ACER2: variants seen among roughly 807,000 people sequenced by gnomAD.
ACER2 encodes alkaline ceramidase 2.
A neutral mutation model predicts 34.7 loss-of-function variants in ACER2; 26 were observed. The ratio of observed to expected loss-of-function variants is 0.75; its 90% CI spans 0.55 to 1.04. The LOEUF (loss-of-function observed/expected upper bound fraction) is 1.04. ACER2 is among the 50% of genes least tolerant of loss of function. ACER2 has a pLI of 0.00. For synonymous variants in ACER2, 138 were observed against 132.1 expected (o/e 1.04, Z -0.31); for missense variants, 352 against 340.8 (o/e 1.03, Z -0.26).
At chr9:19,414,158 A>G (rs531771547) in intron 1 of ACER2, among the ~76,000 whole-genome samples, 1 of 152,298 alleles carries the variant, frequency 6.6e-6, no homozygotes, top group East Asian at 1.9e-4. Flanking sequence ...TGAACGTCCC[A>G]TGCCTTGGGA....
intron 2 of ACER2, 33 bp downstream of exon 2, chr9:19,424,009 TG>T: frequency 1.3e-6 from 2 of 1,495,296 alleles, no homozygotes. Context: ...ACGGACTTAA[TG>T]GGGTGGTGGG....
chr9:19,437,724 C>T (rs563410767), intron 4 of ACER2, among the ~76,000 whole-genome samples: 2 of 152,246 alleles, frequency 1.3e-5, no homozygotes, highest in South Asian at 4.1e-4. Flanking sequence ...AATGCCCTTT[C>T]CTACTACTAC....
Position 19,411,598 on chromosome 9 carries a change from C to G in ACER2, c.108+2406C>G, listed in dbSNP as rs547963900. ...ATGCTTATCACAGGACATTCCCATG[C>G]TTATCTTACTCCTGTGTTGAGAAAG... On this transcript the variant is annotated intron_variant, in intron 1 of 5. Transcript: ENST00000340967. Among the ~76,000 whole-genome samples the G allele has an allele frequency of 4.3e-4, 65 of 152,246 alleles. 2 individuals carry two copies. In the South Asian group the frequency reaches 0.013, roughly 30 times the overall value.
At chr9:19,432,570 A>G (rs980989307) in intron 3 of ACER2, among the ~76,000 whole-genome samples, 22 of 97,340 alleles carry the variant, frequency 2.3e-4, no homozygotes, top group African/African-American at 6.2e-4. Context: ...GTGTGGGTGT[A>G]TGTGTGTGTA....
At chr9:19,439,346 T>C (rs1831070957) in intron 4 of ACER2, among the ~76,000 whole-genome samples, 2 of 145,680 alleles carry the variant, frequency 1.4e-5, no homozygotes, top group African/African-American at 2.6e-5. Context: ...GGGGCTTGCT[T>C]TTTTTTTTTT....
chr9:19,434,435 A>T (rs1323260576), intron 3 of ACER2, among the ~76,000 whole-genome samples: 2 of 152,212 alleles, frequency 1.3e-5, no homozygotes, highest in Non-Finnish European at 2.9e-5. Context: ...TGGGAGGTGG[A>T]GGTTGTAGCG....
intron 2 of ACER2, chr9:19,424,367 AG>A (rs1367286922): frequency 1.0e-6 from 1 of 985,088 alleles, no homozygotes; most frequent in African/African-American, 1.7e-5. Context: ...TTCCTCCCAC[AG>A]GCAGCCTGGG....
At chr9:19,448,854 A>G (rs1831465787) in intron 5 of ACER2, among the ~76,000 whole-genome samples, 1 of 152,140 alleles carries the variant, frequency 6.6e-6, no homozygotes, top group Non-Finnish European at 1.5e-5. Flanking sequence ...TTAAAAGTTC[A>G]TATCAGCCGG....
rs760869412 is a variant in ACER2, at chr9:19,424,759, C to A, written c.283C>A (p.Leu95Ile). 7 of 1,614,160 alleles carry A rather than the reference C, an allele frequency of 4.3e-6. 1 individual carries two copies. In the South Asian group the frequency reaches 7.7e-5, roughly 18 times the overall value. Residue 95 changes from leucine (L) to isoleucine (I), a missense_variant, in exon 3 of 6, where the codon CTT becomes ATT. Physicochemically the swap from Leu to Ile is conservative, Grantham distance 5 (BLOSUM62 2). Transcript: ENST00000340967. ...LSFLGQMLDE[L>I]AVLWVLMCAL... ...TTTCTTGGGTCAGATGCTTGATGAA[C>A]TTGCAGTCCTTTGGGTTCTGATGTG... is the stretch of plus-strand genomic sequence containing the variant.
At chr9:19,430,365 G>A (rs989757862) in intron 3 of ACER2, among the ~76,000 whole-genome samples, 4 of 152,186 alleles carry the variant, frequency 2.6e-5, no homozygotes, top group Non-Finnish European at 4.4e-5. Context: ...GTGTTTCAGT[G>A]TGAGACCCTA....
intron 1 of ACER2, among the ~76,000 whole-genome samples, chr9:19,420,891 C>T (rs1436307511): frequency 6.6e-6 from 1 of 152,168 alleles, no homozygotes; most frequent in African/African-American, 2.4e-5. Flanking sequence ...TCCAATTTAA[C>T]ACCTCCAAAG....
intron 3 of ACER2, among the ~76,000 whole-genome samples, chr9:19,425,274 G>A (rs531693027): frequency 1.3e-5 from 2 of 152,348 alleles, no homozygotes; most frequent in Non-Finnish European, 1.5e-5. Flanking sequence ...AGATACTGTA[G>A]TTTTCAAGTT....
chr9:19,433,990 G>T (rs1830854707), intron 3 of ACER2, among the ~76,000 whole-genome samples: 1 of 151,900 alleles, frequency 6.6e-6, no homozygotes, highest in African/African-American at 2.4e-5. Context: ...GTGGCTGCCG[G>T]GCGGAGACGC....
intron 1 of ACER2, among the ~76,000 whole-genome samples, chr9:19,422,857 C>A (rs370190899): frequency 7.8e-4 from 118 of 151,882 alleles, no homozygotes; most frequent in Middle Eastern, 3.4e-3. Context: ...CATGGTGAAA[C>A]CCCGTCTCTA....
chr9:19,435,401 G>A (rs1830929236), intron 4 of ACER2, among the ~76,000 whole-genome samples: 1 of 152,116 alleles, frequency 6.6e-6, no homozygotes, highest in East Asian at 1.9e-4. Context: ...AAAGGTTATC[G>A]CATTCACACA....
Position 19,435,040 on chromosome 9 carries a change from C to T in ACER2, c.459C>T (p.Thr153=). The part of the protein sequence containing the change: ...KPAINNISLM[T]LGVPCTALLI... Reference sequence around the variant, plus strand: ...CCATCAACAACATCTCTCTGATGACCCTGGGAGTTCCTTGCACTGCACTGC... The same window carrying T: ...CCATCAACAACATCTCTCTGATGACTCTGGGAGTTCCTTGCACTGCACTGC... The change falls in exon 4 of 6, where the codon ACC becomes ACT. Residue 153 remains threonine, a synonymous_variant. Coordinates refer to ENST00000340967, the MANE Select transcript of ACER2 (RefSeq NM_001010887.3). 1 of 1,614,090 alleles carries T rather than the reference C, an allele frequency of 6.2e-7. No individual in the cohort carries two copies. Among genetic ancestry groups the T allele is most frequent in the South Asian group, 1.1e-5 (1 of 91,080 alleles).
chr9:19,421,757 T>C (rs1333863119), intron 1 of ACER2, among the ~76,000 whole-genome samples: 2 of 151,380 alleles, frequency 1.3e-5, no homozygotes, highest in African/African-American at 2.5e-5. Context: ...ATGTGAATTT[T>C]ACCTCAATTT....
chr9:19,439,364 G>T (rs1441037883), intron 4 of ACER2, among the ~76,000 whole-genome samples: 1 of 108,484 alleles, frequency 9.2e-6, no homozygotes, highest in South Asian at 4.0e-4. Flanking sequence ...TTTTGGAGAC[G>T]TAGTCTCGCT....
intron 1 of ACER2, among the ~76,000 whole-genome samples, chr9:19,420,746 A>C (rs1239853675): frequency 6.6e-6 from 1 of 152,154 alleles, no homozygotes; most frequent in Non-Finnish European, 1.5e-5. Flanking sequence ...TAGAGGCTGG[A>C]AGGTCCAAGA....
Sources: gnomAD v4.1 joint callset for allele counts (sites outside exome capture counted in the v4.1 genomes callset) on GRCh38, gnomAD v4.1.1 for gene constraint, MANE v1.5 for transcripts, NCBI Gene and HGNC (gene_info 2026-07-23, HGNC 2026-07-21) for gene names.